Variants in ARMC2 observed in about 807,000 individuals in gnomAD.
The protein encoded by ARMC2 is armadillo repeat containing 2, also known as armadillo repeat-containing protein 2.
ARMC2 carries 67 observed loss-of-function variants against 90.3 expected under a neutral mutation model. The ratio of observed to expected loss-of-function variants is 0.74; its 90% CI spans 0.61 to 0.91. The LOEUF (loss-of-function observed/expected upper bound fraction) is 0.91. Among genes scored for constraint, ARMC2 ranks in the 40% least tolerant of loss-of-function variants. The pLI is 0.00. For missense variants in ARMC2, 920 were observed against 1,030.9 expected (o/e 0.89, Z 1.47); for synonymous variants, 393 against 393.0 (o/e 1.00, Z 0.00).
At chr6:109,004,309 AT>A in the ARMC2 span, among the ~76,000 whole-genome samples, 1 of 152,346 alleles carries the variant, frequency 6.6e-6, no homozygotes, top group African/African-American at 2.4e-5. Context: ...AGACTTTCAC[AT>A]GGGAAAAATA....
At chr6:109,047,030 C>T in the ARMC2 span, among the ~76,000 whole-genome samples, 2 of 14,486 alleles carry the variant, frequency 1.4e-4, no homozygotes, top group African/African-American at 6.2e-4. Flanking sequence ...CCGCCCCATC[C>T]GGGAGGGAGG....
chr6:108,989,559 C>A, the ARMC2 span, among the ~76,000 whole-genome samples: 25 of 103,260 alleles, frequency 2.4e-4, no homozygotes, highest in African/African-American at 3.6e-4. Context: ...AGATCTAGAT[C>A]TCTAGATCTA....
At chr6:109,028,080 A>G in the ARMC2 span, among the ~76,000 whole-genome samples, 1 of 151,852 alleles carries the variant, frequency 6.6e-6, no homozygotes, top group Non-Finnish European at 1.5e-5. Flanking sequence ...ATTTGTCAAT[A>G]TTTTCTTTAA....
chr6:108,992,737 C>T, the ARMC2 span: 7 of 1,175,044 alleles, frequency 6.0e-6, no homozygotes, highest in Non-Finnish European at 5.1e-6. Flanking sequence ...TATTTTAAGT[C>T]AGACTGAGAT....
At chr6:108,878,722 C>G (rs1246457960) in intron 5 of ARMC2, among the ~76,000 whole-genome samples, 1 of 152,160 alleles carries the variant, frequency 6.6e-6, no homozygotes, top group Non-Finnish European at 1.5e-5. Flanking sequence ...CTGTCATCCT[C>G]AAACCTTGTG....
chr6:109,003,679 T>C, the ARMC2 span, among the ~76,000 whole-genome samples: 1 of 152,328 alleles, frequency 6.6e-6, no homozygotes, highest in South Asian at 2.1e-4. Flanking sequence ...AGGAGGCACT[T>C]AATTCACTGG....
At chr6:108,890,684 CCCA>C (rs1263907773) in intron 5 of ARMC2, among the ~76,000 whole-genome samples, 4 of 152,178 alleles carry the variant, frequency 2.6e-5, no homozygotes, top group Non-Finnish European at 5.9e-5. Context: ...CCTACATATA[CCCA>C]CCACAACGTA....
chr6:108,865,666 G>A (rs1353427433), intron 3 of ARMC2, among the ~76,000 whole-genome samples: 1 of 152,144 alleles, frequency 6.6e-6, no homozygotes, highest in African/African-American at 2.4e-5. Flanking sequence ...GCCCTGCAGA[G>A]AAAATTCGGT....
At chr6:108,851,813 A>C (rs536343475) in intron 1 of ARMC2, among the ~76,000 whole-genome samples, 4 of 152,306 alleles carry the variant, frequency 2.6e-5, no homozygotes, top group Non-Finnish European at 5.9e-5. Context: ...TCCACCTTGC[A>C]AAATTGTTGT....
At chr6:109,013,410 A>G in the ARMC2 span, among the ~76,000 whole-genome samples, 1 of 152,150 alleles carries the variant, frequency 6.6e-6, no homozygotes, top group Non-Finnish European at 1.5e-5. Flanking sequence ...TCCTTGAGGG[A>G]GGCAATCATG....
At chr6:109,000,386 A>T in the ARMC2 span, 2 of 807,898 alleles carry the variant, frequency 2.5e-6, no homozygotes, top group South Asian at 6.6e-5. Flanking sequence ...TTCAGGGGGT[A>T]GAAAATAGGA....
chr6:108,903,605 A>G (rs964986739), intron 7 of ARMC2, among the ~76,000 whole-genome samples: 1 of 152,218 alleles, frequency 6.6e-6, no homozygotes, highest in Non-Finnish European at 1.5e-5. Context: ...TCACTGTACC[A>G]TGTGCTATTG....
chr6:108,929,231 G>A (rs1220286303), intron 11 of ARMC2, among the ~76,000 whole-genome samples: 1 of 152,006 alleles, frequency 6.6e-6, no homozygotes, highest in Admixed American at 6.6e-5. Context: ...GAATCATAAG[G>A]AATTTATTTT....
chr6:109,002,460 T>C, the ARMC2 span: 4 of 753,136 alleles, frequency 5.3e-6, no homozygotes, highest in Non-Finnish European at 9.2e-6. Flanking sequence ...TTTGATGGTT[T>C]GTTTTCATGG....
intron 3 of ARMC2, among the ~76,000 whole-genome samples, chr6:108,864,529 G>A (rs1034336371): frequency 6.6e-6 from 1 of 152,224 alleles, no homozygotes; most frequent in Non-Finnish European, 1.5e-5. Context: ...TTACAGGCAT[G>A]AGCCACCACG....
At chr6:108,868,680 A>C in intron 3 of ARMC2, 144 bp from the exon 4 acceptor site, 1 of 674,352 alleles carries the variant, frequency 1.5e-6, no homozygotes, top group Non-Finnish European at 2.5e-6. Flanking sequence ...AAGATGGGCC[A>C]GTGAGTTGGT....
At chr6:108,953,844 C>T (rs994083980) in intron 13 of ARMC2, among the ~76,000 whole-genome samples, 9 of 152,120 alleles carry the variant, frequency 5.9e-5, no homozygotes, top group Admixed American at 2.6e-4. Flanking sequence ...TGTTCATTCC[C>T]CTTGTATTAG....
chr6:108,858,624 A>G (rs905510237), intron 3 of ARMC2, among the ~76,000 whole-genome samples: 1 of 150,494 alleles, frequency 6.6e-6, no homozygotes, highest in East Asian at 1.9e-4. Context: ...TATTAAAGTT[A>G]TATATCTTAT....
chr6:109,000,321 C>A, the ARMC2 span: 2 of 470,712 alleles, frequency 4.2e-6, no homozygotes, highest in South Asian at 5.5e-5. Flanking sequence ...TCAATTACAG[C>A]AAATGTACCA....
Sources: gnomAD v4.1 joint callset for allele counts (sites outside exome capture counted in the v4.1 genomes callset) on GRCh38, gnomAD v4.1.1 for gene constraint, MANE v1.5 for transcripts, NCBI Gene and HGNC (gene_info 2026-07-23, HGNC 2026-07-21) for gene names.